Variants in LRP1B observed in about 807,000 individuals in gnomAD.
The protein encoded by LRP1B is low-density lipoprotein receptor-related protein 1B.
In LRP1B, 217 loss-of-function variants were observed where a neutral mutation model predicts 556.6. That is an observed-to-expected ratio of 0.39 (90% CI 0.35 to 0.44). The LOEUF (loss-of-function observed/expected upper bound fraction) is 0.44. Among genes scored for constraint, LRP1B ranks in the 20% least tolerant of loss-of-function variants. LRP1B has a pLI of 1.00. For missense variants in LRP1B, 5,053 were observed against 5,620.8 expected (o/e 0.90, Z 3.23); for synonymous variants, 2,047 against 1,865.8 (o/e 1.10, Z -2.50).
At chr2:142,033,280 C>T (rs1186898329) in intron 1 of LRP1B, among the ~76,000 whole-genome samples, 1 of 151,628 alleles carries the variant, frequency 6.6e-6, no homozygotes, top group Non-Finnish European at 1.5e-5. Flanking sequence ...AATTACATTA[C>T]CCCAGAAAAT....
chr2:141,055,029 A>G, intron 10 of LRP1B, 87 bp downstream of exon 10: 1 of 1,460,414 alleles, frequency 6.8e-7, no homozygotes, highest in South Asian at 1.3e-5. Context: ...GTCTCATGTT[A>G]TGACTGATGT....
chr2:141,363,236 A>C (rs1688900584), intron 3 of LRP1B, among the ~76,000 whole-genome samples: 1 of 152,206 alleles, frequency 6.6e-6, no homozygotes, highest in African/African-American at 2.4e-5. Flanking sequence ...AAACCCATTC[A>C]AGTATTTAAA....
At chr2:142,126,005 G>A (rs945456203) in intron 1 of LRP1B, among the ~76,000 whole-genome samples, 4 of 151,778 alleles carry the variant, frequency 2.6e-5, no homozygotes, top group African/African-American at 9.7e-5. Flanking sequence ...TAGGAGTTTG[G>A]CTGAGCATAT....
chr2:141,262,573 T>A (rs963893623), intron 3 of LRP1B, among the ~76,000 whole-genome samples: 5 of 152,180 alleles, frequency 3.3e-5, no homozygotes, highest in Admixed American at 6.5e-5. Flanking sequence ...GTAGTTTATT[T>A]TTGTTTAATT....
chr2:141,031,846 AT>A (rs150623503), intron 11 of LRP1B, among the ~76,000 whole-genome samples: 5,331 of 151,874 alleles, frequency 0.035, 116 homozygotes, highest in African/African-American at 0.059. Context: ...GAAAATGTAG[AT>A]TTTTTTTAAG....
chr2:141,007,766 T>C (rs569595836), intron 14 of LRP1B, among the ~76,000 whole-genome samples: 1 of 151,934 alleles, frequency 6.6e-6, no homozygotes, highest in South Asian at 2.1e-4. Flanking sequence ...GTTGAAATTA[T>C]ATGCTAAATA....
At chr2:140,587,726 A>C (rs995064685) in intron 43 of LRP1B, among the ~76,000 whole-genome samples, 1 of 152,214 alleles carries the variant, frequency 6.6e-6, no homozygotes, top group African/African-American at 2.4e-5. Flanking sequence ...TCCACAATAC[A>C]TACATATATC....
chr2:140,299,708 C>T (rs909123412), intron 83 of LRP1B, among the ~76,000 whole-genome samples: 49 of 151,826 alleles, frequency 3.2e-4, no homozygotes, highest in African/African-American at 3.9e-4. Flanking sequence ...ATTGTTGGAA[C>T]GTGATTAATG....
intron 23 of LRP1B, among the ~76,000 whole-genome samples, chr2:140,889,902 G>C (rs1693748418): frequency 6.6e-6 from 1 of 152,072 alleles, no homozygotes; most frequent in South Asian, 2.1e-4. Flanking sequence ...ATGAAGATGT[G>C]CATACACTTG....
At chr2:141,160,884 T>C (rs1439113551) in intron 7 of LRP1B, among the ~76,000 whole-genome samples, 1 of 151,686 alleles carries the variant, frequency 6.6e-6, no homozygotes, top group Non-Finnish European at 1.5e-5. Context: ...CAAAGGGCTA[T>C]ATACCAAAAA....
At chr2:141,751,115 T>G (rs1694094905) in intron 2 of LRP1B, among the ~76,000 whole-genome samples, 1 of 152,000 alleles carries the variant, frequency 6.6e-6, no homozygotes, top group African/African-American at 2.4e-5. Context: ...TGTATTTCTA[T>G]TCAAAAGAAT....
Position 140,485,419 on chromosome 2 carries a change from T to C in LRP1B, c.9349A>G (p.Asn3117Asp), listed in dbSNP as rs2105362826. 6.2e-7 allele frequency: 1 copy of C among 1,613,962 alleles called. No homozygotes were observed. Among genetic ancestry groups the C allele is most frequent in the Non-Finnish European group, 8.5e-7 (1 of 1,179,886 alleles). Residue 3117 changes from asparagine (N) to aspartate (D), a missense_variant, in exon 59 of 91, where the codon AAT becomes GAT. Physicochemically the swap from Asn to Asp is conservative, Grantham distance 23. Around this residue, in one of 5 missense-constraint regions of LRP1B, gnomAD observed 3,619 missense variants for 3,931.9 expected, o/e 0.92. Transcript: ENST00000389484. ...ACGAGTATAGTAGGGTACAAGCCAT[T>C]GAGTTTGGATACTTCAATGATTCTT... ...EKRIIEVSKL[N>D]GLYPTILVSK... is the part of the protein sequence containing the mutation.
intron 86 of LRP1B, among the ~76,000 whole-genome samples, chr2:140,248,807 C>T (rs1402795416): frequency 6.6e-6 from 1 of 150,878 alleles, no homozygotes; most frequent in African/African-American, 2.4e-5. Flanking sequence ...CAAACATGTT[C>T]TTGGAGTGAA....
chr2:141,473,235 A>C (rs1682547290), intron 3 of LRP1B, among the ~76,000 whole-genome samples: 1 of 152,216 alleles, frequency 6.6e-6, no homozygotes, highest in Admixed American at 6.5e-5. Context: ...ACATACATAC[A>C]TACATATGTG....
At chr2:141,214,850 G>C (rs1573662856) in intron 6 of LRP1B, among the ~76,000 whole-genome samples, 1 of 152,176 alleles carries the variant, frequency 6.6e-6, no homozygotes, top group Non-Finnish European at 1.5e-5. Flanking sequence ...TCCAGACACA[G>C]ACCATATCTT....
intron 3 of LRP1B, among the ~76,000 whole-genome samples, chr2:141,460,107 C>T (rs922226261): frequency 3.3e-5 from 5 of 152,148 alleles, no homozygotes; most frequent in Non-Finnish European, 7.3e-5. Flanking sequence ...ACAGTGTTTT[C>T]TCATGATCTT....
intron 10 of LRP1B, among the ~76,000 whole-genome samples, chr2:141,051,426 C>T (rs1227052817): frequency 6.6e-6 from 1 of 151,954 alleles, no homozygotes; most frequent in Admixed American, 6.6e-5. Flanking sequence ...AACATATACG[C>T]CGTGGAATAC....
At chr2:140,284,899 TCTATATAC>T (rs1683070725) in intron 84 of LRP1B, among the ~76,000 whole-genome samples, 1 of 102,890 alleles carries the variant, frequency 9.7e-6, no homozygotes, top group Non-Finnish European at 2.6e-5. Flanking sequence ...TATATGGATA[TCTATATAC>T]CTATATACCT....
At chr2:140,889,333 T>C (rs569749378) in intron 23 of LRP1B, among the ~76,000 whole-genome samples, 9 of 152,342 alleles carry the variant, frequency 5.9e-5, no homozygotes, top group Admixed American at 5.9e-4. Flanking sequence ...TCTCACTCTG[T>C]TGCCCAGGCT....
Sources: allele counts gnomAD v4.1 joint callset (sites outside exome capture counted in the v4.1 genomes callset), GRCh38; gene constraint gnomAD v4.1.1; regional missense constraint gnomAD v4.1.1; transcripts MANE v1.5; gene names NCBI Gene and HGNC (gene_info 2026-07-23, HGNC 2026-07-21).